Variants in H2AZ2 observed in about 807,000 individuals in gnomAD.
H2AZ2 encodes the protein histone H2A.V.
Under a neutral mutation model 15.5 loss-of-function variants are expected in H2AZ2, and 5 were observed. The ratio of observed to expected loss-of-function variants is 0.32; its 90% confidence interval spans 0.17 to 0.68. The LOEUF is 0.68. Among genes scored for constraint, H2AZ2 ranks in the 30% least tolerant of loss-of-function variants. The pLI is 0.72. For missense variants in H2AZ2, 42 were observed against 162.5 expected, an observed-to-expected ratio of 0.26 and a Z score of 4.03; for synonymous variants, 44 against 57.4, an observed-to-expected ratio of 0.77 and a Z score of 1.05.
intron 3 of H2AZ2, 46 bp downstream of exon 3, chr7:44,840,853 G>T: frequency 7.8e-7 from 1 of 1,282,208 alleles, no homozygotes; most frequent in South Asian, 1.2e-5. Context: ...ACTGAGACTA[G>T]TGCACCTTCT....
Position 44,834,159 on chromosome 7 carries a change from G to T in H2AZ2, c.*342C>A. The T allele has an allele frequency of 1.0e-6, 1 of 999,114 alleles. No individual in the cohort carries two copies. The highest frequency in any genetic ancestry group is 1.2e-6 in the Non-Finnish European group (1 of 827,356). 61.9% of individuals were successfully genotyped at this position (999,114 alleles called of 1,614,324 possible). A position where few individuals can be genotyped will look rare whatever the true frequency, so the allele number is the denominator to read the frequency against. ...AGGTTACTCTGAATAACCAATCTGAGATTTAAAATATTTAAAGTCTGAGTA... is the reference window on the plus strand; with the variant it reads ...AGGTTACTCTGAATAACCAATCTGATATTTAAAATATTTAAAGTCTGAGTA... On this transcript the variant is annotated 3_prime_UTR_variant, in exon 5 of 5. Transcript: ENST00000308153.
Position 44,833,687 on chromosome 7 carries a change from G to C in H2AZ2, c.*814C>G. ...TTTTAAACCAAAAGGAGAAACCTTTGATAAACTGAACATCAATTCCAGGTA... is the reference window on the plus strand; with the variant it reads ...TTTTAAACCAAAAGGAGAAACCTTTCATAAACTGAACATCAATTCCAGGTA... On this transcript the variant is annotated 3_prime_UTR_variant, in exon 5 of 5. Transcript: ENST00000308153. The C allele has an allele frequency of 1.0e-6, 1 of 985,364 alleles. No individual in the cohort carries two copies. Among genetic ancestry groups the C allele is most frequent in the Non-Finnish European group, 1.2e-6 (1 of 829,858 alleles). The allele number at this position is 985,364 out of a possible 1,614,324, so 61.0% of individuals were successfully genotyped here.
In H2AZ2 at chr7:44,843,345, T is replaced by G; in HGVS notation, c.13A>C (p.Lys5Gln). 1.2e-6 allele frequency: 2 copies of G among 1,612,044 alleles called. No individual in the cohort carries two copies. Among genetic ancestry groups the G allele is most frequent in the Non-Finnish European group, 1.7e-6 (2 of 1,179,328 alleles). The change falls in exon 2 of 5, where the codon AAA (lysine) becomes CAA (glutamine). Residue 5 changes from lysine (K) to glutamine (Q), a missense_variant. Lys to Gln is a moderately conservative substitution (Grantham distance 53). Transcript: ENST00000308153. ...GCCTTCCCACTGTCCTTTCCAGCTTTGCCTCCAGCCTAAATGCAAAAAAAA... is the reference window on the plus strand; with the variant it reads ...GCCTTCCCACTGTCCTTTCCAGCTTGGCCTCCAGCCTAAATGCAAAAAAAA... MAGG[K>Q]AGKDSGKAKA...
intron 3 of H2AZ2, among the ~76,000 whole-genome samples, chr7:44,840,010 T>C (rs1793234400): frequency 1.4e-5 from 1 of 70,058 alleles, no homozygotes; most frequent in Non-Finnish European, 3.9e-5. Flanking sequence ...TCAAAATAAA[T>C]AAATAAATAA....
chr7:44,843,128 A>G lies in H2AZ2; in HGVS notation c.81+149T>C, dbSNP rs1388798183. 2.1e-5 allele frequency: 9 copies of G among 419,208 alleles called. No homozygotes were observed. The East Asian group carries it at 3.4e-4, about 16-fold the overall frequency. 26.0% of individuals were successfully genotyped at this position (419,208 alleles called of 1,614,324 possible). A position where few individuals can be genotyped will look rare whatever the true frequency, so the allele number is the denominator to read the frequency against. On this transcript the variant is annotated intron_variant, in intron 2 of 4. Transcript: ENST00000308153. Reference sequence around the variant, plus strand: ...CACTCCAGCCTGACGACAGAGTGAGACTCTGTCTCAAAAAAAAAAAAAAAA... The same window carrying G: ...CACTCCAGCCTGACGACAGAGTGAGGCTCTGTCTCAAAAAAAAAAAAAAAA...
chr7:44,846,024 TACACACACACACACACACAC>T (rs10573522), intron 1 of H2AZ2, among the ~76,000 whole-genome samples: 1,499 of 132,846 alleles, frequency 0.011, 21 homozygotes, highest in African/African-American at 0.038. Context: ...TTTAAAAAAT[TACACACACACACACACACAC>T]ACACACACAC....
At chr7:44,847,340 A>T (rs1793435252) in intron 1 of H2AZ2, among the ~76,000 whole-genome samples, 1 of 152,158 alleles carries the variant, frequency 6.6e-6, no homozygotes, top group Non-Finnish European at 1.5e-5. Flanking sequence ...AAGACTGAAA[A>T]TCCATAGCAA....
At chr7:44,831,540 G>A (rs191307365), downstream of H2AZ2, among the ~76,000 whole-genome samples, 23 of 147,550 alleles carry the variant, frequency 1.6e-4, no homozygotes, top group Admixed American at 1.4e-3. Context: ...TCCCCCCCCC[G>A]CTTCTTTTTT....
intron 3 of H2AZ2, 103 bp from the exon 4 acceptor site, chr7:44,835,761 CTGA>C (rs1325614782): frequency 1.3e-5 from 13 of 974,600 alleles, no homozygotes; most frequent in East Asian, 5.1e-5. Context: ...AATACATAAA[CTGA>C]TAATATATTT....
chr7:44,834,686 C>G, intron 4 of H2AZ2, 124 bp from the exon 5 acceptor site: 1 of 827,882 alleles, frequency 1.2e-6, no homozygotes, highest in Non-Finnish European at 1.9e-6. Flanking sequence ...GTTAAACTAT[C>G]TATACCAATG....
At chr7:44,844,553 C>T (rs965633812) in intron 1 of H2AZ2, among the ~76,000 whole-genome samples, 1 of 152,030 alleles carries the variant, frequency 6.6e-6, no homozygotes, top group African/African-American at 2.4e-5. Context: ...AAGGTTTCTG[C>T]ATGTTGGCCA....
intron 3 of H2AZ2, among the ~76,000 whole-genome samples, chr7:44,838,878 T>G (rs1162808038): frequency 6.6e-6 from 1 of 152,224 alleles, no homozygotes; most frequent in Non-Finnish European, 1.5e-5. Context: ...GTAAGACCCT[T>G]CTGTTTCCAC....
At chr7:44,842,056 C>CT (rs907664405) in intron 2 of H2AZ2, among the ~76,000 whole-genome samples, 2 of 151,994 alleles carry the variant, frequency 1.3e-5, no homozygotes, top group African/African-American at 2.4e-5. Flanking sequence ...AACAAGCAAT[C>CT]TTTTTTTTGC....
intron 3 of H2AZ2, among the ~76,000 whole-genome samples, 193 bp from the exon 4 acceptor site, chr7:44,835,851 G>T (rs975088709): frequency 6.6e-6 from 1 of 151,666 alleles, no homozygotes; most frequent in Non-Finnish European, 1.5e-5. Context: ...CTCTGCAACA[G>T]AGACACAAAC....
chr7:44,833,406 G>T lies in H2AZ2; in HGVS notation c.*1095C>A, dbSNP rs1327630066. ...TGCCACCACACCCGGCTAATTTTTT[G>T]TATTTTTTTAAATAGAGACGGGGTT... On this transcript the variant is annotated 3_prime_UTR_variant, in exon 5 of 5. Transcript: ENST00000308153. Among the ~76,000 whole-genome samples, 7 of 147,514 alleles carry T rather than the reference G, an allele frequency of 4.7e-5. No homozygotes were observed. Among genetic ancestry groups the T allele is most frequent in the African/African-American group, 1.1e-4 (4 of 37,058 alleles).
intron 3 of H2AZ2, among the ~76,000 whole-genome samples, chr7:44,837,527 T>C (rs972572272): frequency 6.7e-6 from 1 of 148,986 alleles, no homozygotes; most frequent in African/African-American, 2.5e-5. Flanking sequence ...ATGGTCTCAC[T>C]GTCATGCAGG....
chr7:44,829,554 C>T (rs552539177), downstream of H2AZ2: 1 of 146,586 alleles, frequency 6.8e-6, no homozygotes, highest in Admixed American at 7.0e-5. Flanking sequence ...GAGCCAAGAT[C>T]GTGCCATCGC....
At position 44,834,043 on chromosome 7, in the gene H2AZ2, G is replaced by A. The variant is rs2117023335; in HGVS notation, c.*458C>T. On this transcript the variant is annotated 3_prime_UTR_variant, in exon 5 of 5. Coordinates refer to ENST00000308153, the MANE Select transcript of H2AZ2 (RefSeq NM_012412.5). ...TGGCAGGTTTTTTCCTTAGTCGTTT[G>A]TAAAAAATGGTGCTACAGATCAATA... The A allele has an allele frequency of 1.9e-6, 1 of 534,786 alleles. No individual in the cohort carries two copies. Among genetic ancestry groups the A allele is most frequent in the Non-Finnish European group, 2.4e-6 (1 of 418,900 alleles). The allele number at this position is 534,786 out of a possible 1,614,324, so 33.1% of individuals were successfully genotyped here. A position where few individuals can be genotyped will look rare whatever the true frequency, so the allele number is the denominator to read the frequency against.
intron 1 of H2AZ2, 56 bp downstream of exon 1, chr7:44,847,913 C>G (rs915227473): frequency 6.5e-7 from 1 of 1,532,128 alleles, no homozygotes; most frequent in Admixed American, 2.0e-5. Flanking sequence ...GACGCCAGGG[C>G]CTCCGCGCTC....
Sources: gnomAD v4.1 joint callset for allele counts (sites outside exome capture counted in the v4.1 genomes callset) on GRCh38, gnomAD v4.1.1 for gene constraint, MANE v1.5 for transcripts, NCBI Gene and HGNC (gene_info 2026-07-23, HGNC 2026-07-21) for gene names.